Variants in ACTG2 observed in about 807,000 individuals in gnomAD.
ACTG2 encodes actin, gamma-enteric smooth muscle.
ACTG2 carries 16 observed loss-of-function variants against 37.6 expected under a neutral mutation model. That is an observed-to-expected ratio of 0.43 (90% CI 0.29 to 0.65). The LOEUF is 0.65. Among genes scored for constraint, ACTG2 ranks in the 30% least tolerant of loss-of-function variants. ACTG2 has a pLI of 0.18. For synonymous variants in ACTG2, 181 were observed against 179.9 expected, an observed-to-expected ratio of 1.01 and a Z score of -0.05; for missense variants, 238 against 490.9, an observed-to-expected ratio of 0.48 and a Z score of 4.87.
chr2:73,904,777 G>GTGTGTGTATGTATATATA (rs1427483105), intron 3 of ACTG2, among the ~76,000 whole-genome samples: 9 of 42,634 alleles, frequency 2.1e-4, no homozygotes, highest in African/African-American at 7.0e-4. Flanking sequence ...GTGTGTGTGT[G>GTGTGTGTATGTATATATA]TATATATATA....
At chr2:73,896,159 C>A (rs1469031026) in intron 1 of ACTG2, among the ~76,000 whole-genome samples, 3 of 152,060 alleles carry the variant, frequency 2.0e-5, no homozygotes, top group Admixed American at 2.0e-4. Flanking sequence ...CATAGCAAGA[C>A]CCTGTTTCAA....
rs983714219 is a variant in ACTG2 at position 73,913,194 on chromosome 2, C to T, written c.452-291C>T. Among the ~76,000 whole-genome samples the T allele has an allele frequency of 2.3e-4, 26 of 114,846 alleles. 1 individual carries two copies. The highest frequency in any genetic ancestry group is 7.8e-4 in the African/African-American group (26 of 33,354). The allele number at this position is 114,846 out of a possible 152,430, so 75.3% of individuals were successfully genotyped here. ...CCAAAAAAAAAAAAAAAAGAATATG[C>T]AATGTAGACTTAATGCAAATTGACA... On this transcript the variant is annotated intron_variant, in intron 5 of 8. Transcript: ENST00000345517.
chr2:73,908,499 A>G lies in ACTG2; in HGVS notation c.256-174A>G, dbSNP rs1000199093. 5.1e-5 allele frequency: 33 copies of G among 650,524 alleles called. No homozygotes were observed. The African/African-American group carries it at 5.4e-4, about 11-fold the overall frequency. 40.3% of individuals were successfully genotyped at this position (650,524 alleles called of 1,614,324 possible). A position where few individuals can be genotyped will look rare whatever the true frequency, so the allele number is the denominator to read the frequency against. ...GAGTCCTACCTGGGGCCCTGTTGAG[A>G]AGGAGTATACCCTTTAAATGTCAAT... On this transcript the variant is annotated intron_variant, in intron 3 of 8. Coordinates refer to ENST00000345517, the MANE Select transcript of ACTG2 (RefSeq NM_001615.4).
intron 2 of ACTG2, among the ~76,000 whole-genome samples, chr2:73,902,003 AGG>A (rs1679895609): frequency 7.0e-6 from 1 of 143,106 alleles, no homozygotes; most frequent in African/African-American, 2.6e-5. Context: ...GGACTTGAGG[AGG>A]ATGCATACAA....
chr2:73,916,044 T>C (rs1044583223), intron 7 of ACTG2, among the ~76,000 whole-genome samples: 6 of 152,142 alleles, frequency 3.9e-5, no homozygotes, highest in Non-Finnish European at 8.8e-5. Flanking sequence ...AAAGATGATA[T>C]AACAAAAGTG....
intron 1 of ACTG2, among the ~76,000 whole-genome samples, chr2:73,898,342 C>A (rs2104801966): frequency 6.7e-6 from 1 of 148,718 alleles, no homozygotes; most frequent in Non-Finnish European, 1.5e-5. Context: ...TTTCACCTAC[C>A]AAAGCAACTT....
chr2:73,916,661 T>C lies in ACTG2; in HGVS notation c.883T>C (p.Tyr295His), dbSNP rs551708482. Residue 295 changes from tyrosine (Y) to histidine (H), a missense_variant, in exon 8 of 9, where the codon TAT becomes CAT. Coordinates refer to ENST00000345517, the MANE Select transcript of ACTG2 (RefSeq NM_001615.4). ...TGACATTGACATCCGTAAGGACTTA[T>C]ATGCCAACAATGTCCTCTCTGGGGG... is the stretch of plus-strand genomic sequence containing the variant. ...KCDIDIRKDL[Y>H]ANNVLSGGTT... 1.2e-6 allele frequency: 2 copies of C among 1,614,176 alleles called. No individual in the cohort carries two copies. Among genetic ancestry groups the C allele is most frequent in the Non-Finnish European group, 1.7e-6 (2 of 1,180,036 alleles).
chr2:73,917,239 G>C (rs1240904569), intron 8 of ACTG2, among the ~76,000 whole-genome samples: 3 of 152,078 alleles, frequency 2.0e-5, no homozygotes, highest in Non-Finnish European at 4.4e-5. Context: ...AAGGAAATCA[G>C]GAGATGGGAA....
intron 3 of ACTG2, among the ~76,000 whole-genome samples, chr2:73,903,863 C>T (rs1285288894): frequency 1.3e-5 from 2 of 149,310 alleles, no homozygotes; most frequent in Non-Finnish European, 3.0e-5. Flanking sequence ...TCGCTTGAAC[C>T]CGGGAGGCAG....
At chr2:73,898,802 C>CTTTTTTTTTTTTTTTTT (rs1165118275) in intron 1 of ACTG2, among the ~76,000 whole-genome samples, 29 of 93,040 alleles carry the variant, frequency 3.1e-4, no homozygotes, top group East Asian at 5.0e-4. Context: ...TTTTTTTTTT[C>CTTTTTTTTTTTTTTTTT]TTTTTTTTTT....
intron 2 of ACTG2, 27 bp downstream of exon 2, chr2:73,901,464 G>C (rs753409338): frequency 6.2e-7 from 1 of 1,612,256 alleles, no homozygotes; most frequent in Non-Finnish European, 8.5e-7. Flanking sequence ...ATACCACCAG[G>C]CTTTGAGCCA....
In ACTG2 at chr2:73,916,696, G is replaced by C. The variant is rs752637517; in HGVS notation, c.918G>C (p.Met306Ile). The C allele has an allele frequency of 5.6e-6, 9 of 1,614,192 alleles. No homozygotes were observed. Among genetic ancestry groups the C allele is most frequent in the Non-Finnish European group, 6.8e-6 (8 of 1,180,038 alleles). ...ANNVLSGGTTMYPGIADRMQK... is the reference protein window; with the variant it reads ...ANNVLSGGTTIYPGIADRMQK... The stretch of plus-strand genomic sequence containing the variant: ...ATGTCCTCTCTGGGGGCACCACCAT[G>C]TACCCTGGCATTGCTGACAGGATGC... Residue 306 changes from methionine (M) to isoleucine (I), a missense_variant, in exon 8 of 9, where the codon ATG (methionine) becomes ATC (isoleucine). Coordinates refer to ENST00000345517, the MANE Select transcript of ACTG2 (RefSeq NM_001615.4).
intron 5 of ACTG2, 67 bp downstream of exon 5, chr2:73,909,206 A>G: frequency 7.1e-7 from 1 of 1,400,194 alleles, no homozygotes; most frequent in Non-Finnish European, 1.0e-6. Flanking sequence ...GGGGTCTGGC[A>G]GAGGCTCCTG....
At chr2:73,903,345 C>A (rs1166412752) in intron 3 of ACTG2, among the ~76,000 whole-genome samples, 3 of 152,122 alleles carry the variant, frequency 2.0e-5, no homozygotes, top group African/African-American at 7.2e-5. Context: ...TTCTCTAAAT[C>A]CTAGACTGAG....
In ACTG2 at chr2:73,916,565, A is replaced by AC. The variant is rs1411428560; in HGVS notation, c.806-18dup. ...TTAGGAAGTGATGCCTGTTGACCAG[A>AC]CACTGTGATCTCCACTAGGCATGGA... On this transcript the variant is annotated intron_variant, in intron 7 of 8. Transcript: ENST00000345517. The AC allele has an allele frequency of 1.9e-6, 3 of 1,604,644 alleles. No homozygotes were observed. Among genetic ancestry groups the AC allele is most frequent in the Non-Finnish European group, 2.6e-6 (3 of 1,174,520 alleles).
At chr2:73,896,844 T>C (rs1679757732) in intron 1 of ACTG2, 1 of 152,240 alleles carries the variant, frequency 6.6e-6, no homozygotes, top group Non-Finnish European at 1.5e-5. Context: ...CTCTGCTCCC[T>C]GCCAAGCATG....
chr2:73,894,604 A>T (rs943669293), intron 1 of ACTG2, among the ~76,000 whole-genome samples: 5 of 152,090 alleles, frequency 3.3e-5, no homozygotes, highest in African/African-American at 1.2e-4. Flanking sequence ...ACAGATGAGA[A>T]CCATGGAGCA....
At chr2:73,893,971 C>T (rs1679686171) in intron 1 of ACTG2, among the ~76,000 whole-genome samples, 1 of 152,204 alleles carries the variant, frequency 6.6e-6, no homozygotes, top group Admixed American at 6.5e-5. Flanking sequence ...AACCAAGTTA[C>T]TGAGCGACCT....
rs781047946 is a variant in ACTG2, at chr2:73,916,774, T to A, written c.987+9T>A. ...GCACCATGAAGATCAAGGTGGGTCT[T>A]GCCTCAGTTGTCTCCATCCTGTTCT... On this transcript the variant is annotated intron_variant, in intron 8 of 8. Coordinates refer to ENST00000345517, the MANE Select transcript of ACTG2 (RefSeq NM_001615.4). 4 of 1,612,184 alleles carry A rather than the reference T, an allele frequency of 2.5e-6. No individual in the cohort carries two copies. Among genetic ancestry groups the A allele is most frequent in the Non-Finnish European group, 3.4e-6 (4 of 1,179,144 alleles).
Sources: gnomAD v4.1 joint callset for allele counts (sites outside exome capture counted in the v4.1 genomes callset) on GRCh38, gnomAD v4.1.1 for gene constraint, MANE v1.5 for transcripts, NCBI Gene and HGNC (gene_info 2026-07-23, HGNC 2026-07-21) for gene names.